FUT9: variants seen among roughly 807,000 people sequenced by gnomAD.
FUT9 encodes the protein fucosyltransferase 9, also known as 4-galactosyl-N-acetylglucosaminide 3-alpha-L-fucosyltransferase 9.
Under a neutral mutation model 29.7 loss-of-function variants are expected in FUT9, and 15 were observed. The observed-to-expected ratio is 0.51, with a 90% confidence interval of 0.34 to 0.78. FUT9 has a LOEUF of 0.78. FUT9 is among the 30% of genes least tolerant of loss of function. The probability of loss-of-function intolerance (pLI) is 0.01; values close to 1 mark genes in which losing one functional copy is unlikely to be tolerated. For synonymous variants in FUT9, 169 were observed against 153.7 expected (o/e 1.10, Z -0.74); for missense variants, 319 against 425.4 (o/e 0.75, Z 2.20).
chr6:96,080,172 T>C lies in FUT9; in HGVS notation c.-97-33867T>C, dbSNP rs911181048. ...TCAACATTTTATTTTTGCTAGTTTCTATGATCTATTTCTCAGTAGTTCTCA... is the reference window on the plus strand; with the variant it reads ...TCAACATTTTATTTTTGCTAGTTTCCATGATCTATTTCTCAGTAGTTCTCA... On this transcript the variant is annotated intron_variant, in intron 1 of 2. Coordinates refer to ENST00000302103, the MANE Select transcript of FUT9 (RefSeq NM_006581.4). Among the ~76,000 whole-genome samples, 108 of 152,114 alleles carry C rather than the reference T, an allele frequency of 7.1e-4. 1 individual carries two copies. Among genetic ancestry groups the C allele is most frequent in the African/African-American group, 2.6e-3 (107 of 41,572 alleles).
intron 1 of FUT9, among the ~76,000 whole-genome samples, chr6:96,088,530 T>TTG (rs35995545): frequency 0.051 from 7,540 of 148,718 alleles, 481 homozygotes; most frequent in African/African-American, 0.15. Flanking sequence ...TTTGTTTGTT[T>TTG]TGTGTGTGTG....
chr6:96,118,500 TAAAC>T (rs1771957297), intron 2 of FUT9, among the ~76,000 whole-genome samples: 1 of 152,238 alleles, frequency 6.6e-6, no homozygotes, highest in South Asian at 2.1e-4. Context: ...GATGCTGGTG[TAAAC>T]AAACTTATTG....
At chr6:96,095,751 G>T (rs951818947) in intron 1 of FUT9, among the ~76,000 whole-genome samples, 3 of 152,034 alleles carry the variant, frequency 2.0e-5, no homozygotes, top group Non-Finnish European at 4.4e-5. Flanking sequence ...GGGCATTATG[G>T]CTAAGAGGAC....
chr6:96,055,709 C>CTTTTTTT (rs113298226), intron 1 of FUT9, among the ~76,000 whole-genome samples: 2 of 45,576 alleles, frequency 4.4e-5, no homozygotes, highest in African/African-American at 1.1e-4. Context: ...ATTTCTTTTT[C>CTTTTTTT]TTTTTTTTTT....
chr6:96,056,838 T>C (rs1770780298), intron 1 of FUT9, among the ~76,000 whole-genome samples: 1 of 152,208 alleles, frequency 6.6e-6, no homozygotes, highest in Non-Finnish European at 1.5e-5. Flanking sequence ...ATTTACAATA[T>C]ACACTCTCTG....
chr6:96,091,628 T>A (rs778391413), intron 1 of FUT9, among the ~76,000 whole-genome samples: 2 of 152,036 alleles, frequency 1.3e-5, no homozygotes, highest in Non-Finnish European at 2.9e-5. Context: ...GTCATAATAC[T>A]TGCAATGTAT....
chr6:96,069,996 A>C (rs1771031542), intron 1 of FUT9, among the ~76,000 whole-genome samples: 1 of 152,204 alleles, frequency 6.6e-6, no homozygotes, highest in Non-Finnish European at 1.5e-5. Context: ...AGATCAAAGA[A>C]AAAAATATAA....
chr6:96,017,500 T>C (rs1366375134), intron 1 of FUT9, among the ~76,000 whole-genome samples: 1 of 152,152 alleles, frequency 6.6e-6, no homozygotes, highest in Non-Finnish European at 1.5e-5. Context: ...ATTTAAATAA[T>C]AAAATTTGTG....
intron 2 of FUT9, among the ~76,000 whole-genome samples, chr6:96,120,130 A>G: frequency 6.6e-6 from 1 of 151,824 alleles, no homozygotes; most frequent in Non-Finnish European, 1.5e-5. Flanking sequence ...AATTCTCATT[A>G]TTTTATTTTT....
chr6:96,129,048 GA>G (rs1265391548), intron 2 of FUT9, among the ~76,000 whole-genome samples: 5 of 150,456 alleles, frequency 3.3e-5, no homozygotes, highest in Admixed American at 6.6e-5. Flanking sequence ...ACAAGGTCAG[GA>G]GATCGAGACC....
In FUT9 at chr6:96,211,366, G is replaced by C. The variant is rs1312908181; in HGVS notation, c.*7131G>C. On this transcript the variant is annotated 3_prime_UTR_variant, in exon 3 of 3. Coordinates refer to ENST00000302103, the MANE Select transcript of FUT9 (RefSeq NM_006581.4). ...TGGTATAGCGCATGTCACAGAATAG[G>C]ATAGCAAGAAGATTCTCAGAGATCA... is the stretch of plus-strand genomic sequence containing the variant. 6.0e-6 allele frequency: 1 copy of C among 166,738 alleles called. No homozygotes were observed. The highest frequency in any genetic ancestry group is 1.5e-5 in the Non-Finnish European group (1 of 67,964). The allele number at this position is 166,738 out of a possible 1,614,324, so 10.3% of individuals were successfully genotyped here. A position where few individuals can be genotyped will look rare whatever the true frequency, so the allele number is the denominator to read the frequency against.
intron 1 of FUT9, among the ~76,000 whole-genome samples, chr6:96,097,050 TC>T: frequency 6.6e-6 from 1 of 152,176 alleles, no homozygotes. Context: ...CAAATCATTT[TC>T]CACGACTATC....
At chr6:96,167,833 A>G (rs1773040911) in intron 2 of FUT9, among the ~76,000 whole-genome samples, 1 of 152,140 alleles carries the variant, frequency 6.6e-6, no homozygotes, top group African/African-American at 2.4e-5. Flanking sequence ...CCTAGGGTGG[A>G]GAGTGCTACT....
chr6:96,188,217 C>A (rs1470886358), intron 2 of FUT9, among the ~76,000 whole-genome samples: 1 of 152,050 alleles, frequency 6.6e-6, no homozygotes, highest in African/African-American at 2.4e-5. Context: ...GAAGTCTTTG[C>A]AACTGTTAAC....
Position 96,205,602 on chromosome 6 carries a change from T to G in FUT9, c.*1367T>G, listed in dbSNP as rs4275065. 153,553 of 166,948 alleles carry G rather than the reference T, an allele frequency of 0.92. 72,045 individuals are homozygous for G. The highest frequency in any genetic ancestry group is 1 in the Non-Finnish European group (67,971 of 68,100). 10.3% of individuals were successfully genotyped at this position (166,948 alleles called of 1,614,324 possible). On this transcript the variant is annotated 3_prime_UTR_variant, in exon 3 of 3. Coordinates refer to ENST00000302103, the MANE Select transcript of FUT9 (RefSeq NM_006581.4). ...CCTATAGCATTCTCCTCCATAAGGC[T>G]AGAGGAGAGCTGGATATAAGCAGAG...
At chr6:96,022,485 C>G (rs906726923) in intron 1 of FUT9, among the ~76,000 whole-genome samples, 2 of 151,950 alleles carry the variant, frequency 1.3e-5, no homozygotes, top group African/African-American at 2.4e-5. Context: ...GAGACCATCT[C>G]CTGATATTTC....
At chr6:96,022,445 G>A (rs1209531626) in intron 1 of FUT9, among the ~76,000 whole-genome samples, 2 of 152,026 alleles carry the variant, frequency 1.3e-5, no homozygotes, top group Non-Finnish European at 1.5e-5. Context: ...TGGAGGTGTT[G>A]ACAGGTATTG....
chr6:96,086,224 T>C (rs564458757), intron 1 of FUT9, among the ~76,000 whole-genome samples: 1 of 152,328 alleles, frequency 6.6e-6, no homozygotes, highest in East Asian at 1.9e-4. Context: ...CTTTGTGTTT[T>C]CAGATTTCCA....
At chr6:96,155,889 A>C (rs1015880825) in intron 2 of FUT9, among the ~76,000 whole-genome samples, 4 of 152,124 alleles carry the variant, frequency 2.6e-5, no homozygotes, top group Non-Finnish European at 4.4e-5. Flanking sequence ...TCTGCTGCTT[A>C]ATCTACCCAG....
Sources: allele counts gnomAD v4.1 joint callset (sites outside exome capture counted in the v4.1 genomes callset), GRCh38; gene constraint gnomAD v4.1.1; transcripts MANE v1.5; gene names NCBI Gene and HGNC (gene_info 2026-07-23, HGNC 2026-07-21).